UIMC1: variants seen among roughly 807,000 people sequenced by gnomAD.
The protein encoded by UIMC1 is ubiquitin interaction motif containing 1.
UIMC1 carries 42 observed loss-of-function variants against 84.9 expected under a neutral mutation model. The observed-to-expected ratio is 0.49, with a 90% confidence interval of 0.39 to 0.64. The LOEUF (loss-of-function observed/expected upper bound fraction) is 0.64, where lower values mean the gene tolerates loss of function less well. Among genes scored for constraint, UIMC1 ranks in the 30% least tolerant of loss-of-function variants. The pLI is 0.00. For missense variants in UIMC1, 825 were observed against 847.6 expected, an observed-to-expected ratio of 0.97 and a Z score of 0.33; for synonymous variants, 281 against 293.0, an observed-to-expected ratio of 0.96 and a Z score of 0.42.
intron 8 of UIMC1, 103 bp from the exon 9 acceptor site, chr5:176,951,680 T>A: frequency 4.0e-6 from 3 of 756,160 alleles, no homozygotes; most frequent in Middle Eastern, 3.3e-4. Context: ...GATATGACAA[T>A]ACTGTGGTGG....
At chr5:176,950,873 A>G (rs1317958732) in intron 9 of UIMC1, among the ~76,000 whole-genome samples, 1 of 152,156 alleles carries the variant, frequency 6.6e-6, no homozygotes, top group Non-Finnish European at 1.5e-5. Flanking sequence ...TCCATCCCAA[A>G]AAAAAGAAAA....
chr5:176,910,315 C>A (rs941657411), intron 11 of UIMC1, among the ~76,000 whole-genome samples: 4 of 152,220 alleles, frequency 2.6e-5, no homozygotes, highest in African/African-American at 9.6e-5. Context: ...CTCTAATCTA[C>A]TGTTGGTAAT....
chr5:176,964,757 T>C (rs1768030095), intron 6 of UIMC1, among the ~76,000 whole-genome samples: 1 of 152,200 alleles, frequency 6.6e-6, no homozygotes, highest in Admixed American at 6.5e-5. Flanking sequence ...TCTATATGCT[T>C]ACTAGGTTGT....
At chr5:176,968,210 A>G (rs1002407583) in intron 6 of UIMC1, among the ~76,000 whole-genome samples, 1 of 152,128 alleles carries the variant, frequency 6.6e-6, no homozygotes, top group African/African-American at 2.4e-5. Context: ...CGTCTCTACT[A>G]AAAGTACAAA....
At chr5:177,018,406 A>G (rs1470855912) in intron 1 of UIMC1, among the ~76,000 whole-genome samples, 4 of 152,138 alleles carry the variant, frequency 2.6e-5, no homozygotes, top group African/African-American at 7.2e-5. Flanking sequence ...AGCAAGAACT[A>G]TATCTTAAGC....
At chr5:176,967,871 C>G (rs1301793621) in intron 6 of UIMC1, among the ~76,000 whole-genome samples, 1 of 148,018 alleles carries the variant, frequency 6.8e-6, no homozygotes, top group Non-Finnish European at 1.5e-5. Flanking sequence ...TCGGTGCACT[C>G]TAGCCTGGGT....
intron 10 of UIMC1, among the ~76,000 whole-genome samples, chr5:176,917,326 C>A (rs1480117608): frequency 6.6e-6 from 1 of 152,162 alleles, no homozygotes; most frequent in Non-Finnish European, 1.5e-5. Context: ...AATCCCAGCA[C>A]TTTGGGAGGC....
chr5:176,970,569 A>T, intron 4 of UIMC1, 173 bp downstream of exon 4: 1 of 987,514 alleles, frequency 1.0e-6, no homozygotes, highest in Non-Finnish European at 1.5e-6. Flanking sequence ...AAAATACTTT[A>T]AATTGGGTTA....
chr5:176,997,684 C>CAAAA (rs11327766), intron 1 of UIMC1, among the ~76,000 whole-genome samples: 7 of 102,920 alleles, frequency 6.8e-5, no homozygotes, highest in African/African-American at 1.9e-4. Flanking sequence ...GACTCTGTCT[C>CAAAA]AAAAAAAAAA....
At chr5:176,926,593 T>G (rs1237454617) in intron 10 of UIMC1, among the ~76,000 whole-genome samples, 1 of 151,840 alleles carries the variant, frequency 6.6e-6, no homozygotes, top group East Asian at 1.9e-4. Context: ...GCTATGATCA[T>G]GCCAGTGCAC....
chr5:176,917,217 G>A (rs1454316461), intron 10 of UIMC1, among the ~76,000 whole-genome samples: 2 of 152,224 alleles, frequency 1.3e-5, no homozygotes, highest in South Asian at 2.1e-4. Flanking sequence ...AGGCAGCCAT[G>A]CTCACTGCCT....
At position 176,920,060 on chromosome 5, in the gene UIMC1, T is replaced by A. The variant is rs796286905; in HGVS notation, c.1598-8671A>T. On this transcript the variant is annotated intron_variant, in intron 10 of 14. Transcript: ENST00000511320. ...TTTTGAGAAGGAGTTTCGCTCTTGTTGCCCAGGCTGGAGTGCAATGGTGCG... is the reference window on the plus strand; with the variant it reads ...TTTTGAGAAGGAGTTTCGCTCTTGTAGCCCAGGCTGGAGTGCAATGGTGCG... Among the ~76,000 whole-genome samples, 15 of 152,274 alleles carry A rather than the reference T, an allele frequency of 9.9e-5. 1 individual carries two copies. The highest frequency in any genetic ancestry group is 3.6e-4 in the African/African-American group (15 of 41,542).
chr5:176,921,348 C>T (rs1370400988), intron 10 of UIMC1, among the ~76,000 whole-genome samples: 1 of 152,142 alleles, frequency 6.6e-6, no homozygotes, highest in African/African-American at 2.4e-5. Context: ...ATTTTTCCCT[C>T]TTTTTTTAGA....
intron 1 of UIMC1, among the ~76,000 whole-genome samples, chr5:176,985,993 T>C (rs1433434848): frequency 6.6e-6 from 1 of 152,028 alleles, no homozygotes; most frequent in African/African-American, 2.4e-5. Flanking sequence ...GGCTCACCCC[T>C]GTAATCCCAA....
intron 13 of UIMC1, 99 bp downstream of exon 13, chr5:176,907,015 A>T: frequency 8.0e-7 from 1 of 1,254,666 alleles, no homozygotes; most frequent in Non-Finnish European, 1.1e-6. Flanking sequence ...TCACGTGTGT[A>T]CCCAGATAAC....
intron 6 of UIMC1, among the ~76,000 whole-genome samples, chr5:176,962,534 GCCCCCCGCCCGGCCAGCCGCC>G (rs1380379567): frequency 2.2e-4 from 23 of 105,902 alleles, no homozygotes; most frequent in Non-Finnish European, 3.5e-4. Flanking sequence ...GGGGGGGTCA[GCCCCCCGCCCGGCCAGCCGCC>G]CCGCCCAGGA....
intron 10 of UIMC1, among the ~76,000 whole-genome samples, chr5:176,936,181 A>T (rs1763698466): frequency 6.6e-6 from 1 of 152,238 alleles, no homozygotes; most frequent in Non-Finnish European, 1.5e-5. Flanking sequence ...TAATAATAGC[A>T]GCCACCATTT....
At chr5:176,921,605 T>C (rs1255608577) in intron 10 of UIMC1, among the ~76,000 whole-genome samples, 1 of 152,230 alleles carries the variant, frequency 6.6e-6, no homozygotes, top group Non-Finnish European at 1.5e-5. Flanking sequence ...TTAGTCTTTC[T>C]TGTTCTCTCA....
intron 8 of UIMC1, 143 bp downstream of exon 8, chr5:176,955,816 T>C (rs778137302): frequency 1.5e-5 from 10 of 649,778 alleles, no homozygotes; most frequent in Admixed American, 3.1e-5. Context: ...TGTATACGCA[T>C]ACGAGTGTTG....
Sources: allele counts gnomAD v4.1 joint callset (sites outside exome capture counted in the v4.1 genomes callset), GRCh38; gene constraint gnomAD v4.1.1; transcripts MANE v1.5; gene names NCBI Gene and HGNC (gene_info 2026-07-23, HGNC 2026-07-21).